The following GPR107 variants were observed in gnomAD, a reference collection of about 807,000 sequenced individuals.
The protein encoded by GPR107 is G protein-coupled receptor 107, also known as protein GPR107.
In GPR107, 31 loss-of-function variants were observed where a neutral mutation model predicts 75.5. That is an observed-to-expected ratio of 0.41 (90% CI 0.31 to 0.55). GPR107 has a LOEUF of 0.55. Among genes scored for constraint, GPR107 ranks in the 20% least tolerant of loss-of-function variants. GPR107 has a pLI of 0.26. For missense variants in GPR107, 572 were observed against 665.7 expected, an observed-to-expected ratio of 0.86 and a Z score of 1.55; for synonymous variants, 267 against 251.3, an observed-to-expected ratio of 1.06 and a Z score of -0.59.
At chr9:130,057,660 A>T (rs1829825637) in intron 1 of GPR107, among the ~76,000 whole-genome samples, 1 of 151,520 alleles carries the variant, frequency 6.6e-6, no homozygotes, top group Admixed American at 6.6e-5. Context: ...ACATACATCA[A>T]TTTCTGGTTC....
chr9:130,091,696 T>A, intron 8 of GPR107, among the ~76,000 whole-genome samples: 1 of 140,030 alleles, frequency 7.1e-6, no homozygotes, highest in South Asian at 2.2e-4. Flanking sequence ...GCCTGGCTAA[T>A]TTTTTTTTTT....
At position 130,053,964 on chromosome 9, in the gene GPR107, C is replaced by T. The variant is rs1298214093; in HGVS notation, c.32C>T (p.Ala11Val). The T allele has an allele frequency of 2.6e-6, 4 of 1,555,288 alleles. No homozygotes were observed. Among genetic ancestry groups the T allele is most frequent in the Non-Finnish European group, 2.6e-6 (3 of 1,150,864 alleles). The part of the protein sequence containing the change: MAALAPVGSP[A>V]SRGPRLAAGL... ...GCTCTGGCGCCCGTCGGCTCCCCCGCCTCCCGCGGTCCTAGGCTGGCCGCG... is the reference window on the plus strand; with the variant it reads ...GCTCTGGCGCCCGTCGGCTCCCCCGTCTCCCGCGGTCCTAGGCTGGCCGCG... The change falls in exon 1 of 18, where the codon GCC becomes GTC. Residue 11 changes from alanine to valine, a missense_variant. By Grantham distance (64) the Ala-to-Val change is moderately conservative. Transcript: ENST00000347136.
At chr9:130,068,529 TA>T (rs1175924880) in intron 1 of GPR107, among the ~76,000 whole-genome samples, 1 of 152,122 alleles carries the variant, frequency 6.6e-6, no homozygotes, top group East Asian at 1.9e-4. Flanking sequence ...CTAGCTCAGT[TA>T]AGTGTTACTG....
chr9:130,115,790 C>G (rs1464885785), intron 14 of GPR107, among the ~76,000 whole-genome samples: 1 of 150,024 alleles, frequency 6.7e-6, no homozygotes, highest in Admixed American at 6.7e-5. Context: ...AAAAAATTAG[C>G]CAGCCGTGAT....
At chr9:130,105,954 C>T (rs1356704437) in intron 13 of GPR107, among the ~76,000 whole-genome samples, 4 of 152,104 alleles carry the variant, frequency 2.6e-5, no homozygotes, top group Non-Finnish European at 1.5e-5. Context: ...GCCACCGCAC[C>T]CAGTGGAATA....
At position 130,139,423 on chromosome 9, in the gene GPR107, A is replaced by C. The variant is rs1331815892; in HGVS notation, c.*4302A>C. Reference sequence around the variant, plus strand: ...AGGCTGAACATACTCCAGATTCCCCAGAGGCCACTTCTGTAGCCCAGCGAT... The same window carrying C: ...AGGCTGAACATACTCCAGATTCCCCCGAGGCCACTTCTGTAGCCCAGCGAT... On this transcript the variant is annotated 3_prime_UTR_variant, in exon 18 of 18. Transcript: ENST00000347136. 6.6e-6 allele frequency: 1 copy of C among 152,196 alleles called. No homozygotes were observed. The highest frequency in any genetic ancestry group is 2.4e-5 in the African/African-American group (1 of 41,442). 9.4% of individuals were successfully genotyped at this position (152,196 alleles called of 1,614,324 possible).
intron 15 of GPR107, among the ~76,000 whole-genome samples, chr9:130,126,500 C>G (rs1426604552): frequency 6.6e-6 from 1 of 152,044 alleles, no homozygotes; most frequent in Non-Finnish European, 1.5e-5. Context: ...CATGCGCCAC[C>G]ATGCCACGCC....
chr9:130,094,038 C>T, intron 9 of GPR107, among the ~76,000 whole-genome samples: 1 of 151,952 alleles, frequency 6.6e-6, no homozygotes, highest in East Asian at 1.9e-4. Flanking sequence ...TGGTCTTGAA[C>T]TGCTGACCTC....
intron 1 of GPR107, among the ~76,000 whole-genome samples, chr9:130,062,563 TAGAC>T (rs1829952543): frequency 6.6e-6 from 1 of 151,812 alleles, no homozygotes; most frequent in African/African-American, 2.4e-5. Flanking sequence ...GACAGGCCCA[TAGAC>T]AGGTAGTTAT....
chr9:130,113,698 G>A (rs1831357951), intron 14 of GPR107, among the ~76,000 whole-genome samples: 1 of 152,154 alleles, frequency 6.6e-6, no homozygotes, highest in Non-Finnish European at 1.5e-5. Context: ...GTCATGCATG[G>A]GGGTAAAAGC....
In GPR107 at chr9:130,139,054, C is replaced by G. The variant is rs782549840; in HGVS notation, c.*3933C>G. On this transcript the variant is annotated 3_prime_UTR_variant, in exon 18 of 18. Coordinates refer to ENST00000347136, the MANE Select transcript of GPR107 (RefSeq NM_020960.5). ...GAAACAGATCTAGCACACTGCTGCA[C>G]CCCTGCTTCCACACTCCACACTTCA... is the stretch of plus-strand genomic sequence containing the variant. The G allele has an allele frequency of 1.3e-5, 2 of 152,290 alleles. No homozygotes were observed. Among genetic ancestry groups the G allele is most frequent in the African/African-American group, 4.8e-5 (2 of 41,426 alleles). 9.4% of individuals were successfully genotyped at this position (152,290 alleles called of 1,614,324 possible).
intron 1 of GPR107, among the ~76,000 whole-genome samples, chr9:130,065,540 C>T (rs919021681): frequency 4.0e-5 from 6 of 151,596 alleles, no homozygotes; most frequent in African/African-American, 1.5e-4. Flanking sequence ...CCGCAACGGG[C>T]ACCTCACTTG....
intron 1 of GPR107, among the ~76,000 whole-genome samples, chr9:130,072,816 AT>A (rs1830245397): frequency 6.6e-6 from 1 of 152,202 alleles, no homozygotes; most frequent in Non-Finnish European, 1.5e-5. Flanking sequence ...CTAAGTATAA[AT>A]GAAAGCCTAG....
intron 5 of GPR107, among the ~76,000 whole-genome samples, chr9:130,080,754 G>A (rs1421001945): frequency 6.6e-6 from 1 of 151,646 alleles, no homozygotes; most frequent in Non-Finnish European, 1.5e-5. Context: ...GCCTCCCAAA[G>A]TGCTGGGATT....
intron 14 of GPR107, chr9:130,120,798 C>T (rs1831528478): frequency 6.6e-6 from 1 of 152,332 alleles, no homozygotes; most frequent in East Asian, 1.9e-4. Flanking sequence ...TGCCTAAAGC[C>T]TTTGGGAGGC....
intron 4 of GPR107, among the ~76,000 whole-genome samples, chr9:130,078,831 G>T (rs75397884): frequency 0.022 from 3,348 of 152,320 alleles, 53 homozygotes; most frequent in Middle Eastern, 0.034. Context: ...CATGGGAACT[G>T]TCACTGGCCC....
At chr9:130,059,733 CTTTTTTTTTTTTT>C (rs61429853) in intron 1 of GPR107, among the ~76,000 whole-genome samples, 2 of 144,480 alleles carry the variant, frequency 1.4e-5, no homozygotes, top group Non-Finnish European at 3.0e-5. Flanking sequence ...GTTAATACGT[CTTTTTTTTTTTTT>C]TTTTTTTTTT....
At chr9:130,113,383 C>A (rs1831351656) in intron 14 of GPR107, among the ~76,000 whole-genome samples, 1 of 151,864 alleles carries the variant, frequency 6.6e-6, no homozygotes, top group Non-Finnish European at 1.5e-5. Flanking sequence ...CAGGTCTTTC[C>A]ACCATGCCCG....
At chr9:130,067,740 C>T (rs1397410823) in intron 1 of GPR107, among the ~76,000 whole-genome samples, 2 of 104,548 alleles carry the variant, frequency 1.9e-5, no homozygotes, top group African/African-American at 7.9e-5. Context: ...GGTAGTCCCC[C>T]CCCACCGCCC....
Sources: gnomAD v4.1 joint callset for allele counts (sites outside exome capture counted in the v4.1 genomes callset) on GRCh38, gnomAD v4.1.1 for gene constraint, MANE v1.5 for transcripts, NCBI Gene and HGNC (gene_info 2026-07-23, HGNC 2026-07-21) for gene names.